STK32B: variants seen among roughly 807,000 people sequenced by gnomAD.
STK32B encodes the protein serine/threonine-protein kinase 32B.
A neutral mutation model predicts 52.6 loss-of-function variants in STK32B; 43 were observed. The observed-to-expected ratio is 0.82, with a 90% CI of 0.64 to 1.05. STK32B has a LOEUF of 1.05. STK32B is among the 50% of genes least tolerant of loss of function. The pLI is 0.00. For synonymous variants in STK32B, 238 were observed against 204.3 expected, an observed-to-expected ratio of 1.17 and a Z score of -1.41; for missense variants, 621 against 534.6, an observed-to-expected ratio of 1.16 and a Z score of -1.59.
chr4:5,399,661 C>A lies in STK32B; in HGVS notation c.472+1417C>A, dbSNP rs569635974. On this transcript the variant is annotated intron_variant, in intron 5 of 11. Transcript: ENST00000282908. The surrounding 1 kb of genome is among the most constrained non-coding windows in gnomAD (Gnocchi z 5.4). ...TCTTCAGATGTGGCACTCAGCTGAG[C>A]CCCCAGCCAGCTGAATGTCCTTGGG... Among the ~76,000 whole-genome samples the A allele has an allele frequency of 6.6e-6, 1 of 152,278 alleles. No homozygotes were observed. Among genetic ancestry groups the A allele is most frequent in the East Asian group, 1.9e-4 (1 of 5,174 alleles).
At chr4:5,110,272 CAAA>C (rs367760309) in intron 1 of STK32B, among the ~76,000 whole-genome samples, 24 of 106,710 alleles carry the variant, frequency 2.2e-4, no homozygotes, top group African/African-American at 4.1e-4. Context: ...CATATGGAAC[CAAA>C]AAAAAAAAAA....
chr4:5,297,634 TG>T (rs1181471086), intron 3 of STK32B, among the ~76,000 whole-genome samples: 41 of 136,978 alleles, frequency 3.0e-4, no homozygotes, highest in African/African-American at 1.2e-3. Context: ...TGGTCATTTA[TG>T]TTTTTTTTTT....
At chr4:5,207,170 C>T (rs1423254558) in intron 3 of STK32B, among the ~76,000 whole-genome samples, 2 of 152,178 alleles carry the variant, frequency 1.3e-5, no homozygotes, top group Non-Finnish European at 2.9e-5. Context: ...GACCCACGAG[C>T]CTGAACGAAT....
rs770309344 is a variant in STK32B at position 5,498,963 on chromosome 4, A to G, written c.1125A>G (p.Gly375=). 6.2e-6 allele frequency: 10 copies of G among 1,612,972 alleles called. No homozygotes were observed. The highest frequency in any genetic ancestry group is 8.5e-7 in the Non-Finnish European group (1 of 1,179,444). Residue 375 remains glycine, a synonymous_variant, in exon 12 of 12, where the codon GGA becomes GGG. Coordinates refer to ENST00000282908, the MANE Select transcript of STK32B (RefSeq NM_018401.3). The stretch of plus-strand genomic sequence containing the variant: ...TTTGCAGGCTCAGGAGGCAGCAGGG[A>G]CAGGGCAGCCAGCTCTTGGACACCG... ...FNREKLRRQQ[G]QGSQLLDTDS...
At chr4:5,288,569 A>G (rs569168168) in intron 3 of STK32B, among the ~76,000 whole-genome samples, 1 of 152,066 alleles carries the variant, frequency 6.6e-6, no homozygotes, top group Non-Finnish European at 1.5e-5. Context: ...TTGTTTGCCT[A>G]TTTTTTAAAT....
At chr4:5,246,157 C>G (rs903008915) in intron 3 of STK32B, among the ~76,000 whole-genome samples, 1 of 152,174 alleles carries the variant, frequency 6.6e-6, no homozygotes, top group African/African-American at 2.4e-5. Flanking sequence ...GGATAATATC[C>G]TGCAGAGTGT....
chr4:5,246,768 T>C (rs186278328), intron 3 of STK32B, among the ~76,000 whole-genome samples: 7 of 152,360 alleles, frequency 4.6e-5, no homozygotes, highest in Admixed American at 1.3e-4. Flanking sequence ...ATGTCCTTTC[T>C]GTTTTTTAGT....
intron 3 of STK32B, among the ~76,000 whole-genome samples, chr4:5,322,495 G>T (rs866667365): frequency 6.6e-6 from 1 of 152,300 alleles, no homozygotes; most frequent in South Asian, 2.1e-4. Flanking sequence ...CACAGGAGAT[G>T]AGTGTTGTAG....
Position 5,312,377 on chromosome 4 carries a change from G to T in STK32B, c.261-18843G>T, listed in dbSNP as rs374361394. 4.0e-5 allele frequency among the ~76,000 whole-genome samples: 6 copies of T among 151,600 alleles called. No individual in the cohort carries two copies. In the East Asian group the frequency reaches 5.8e-4, roughly 15 times the overall value. ...ATGTATACATGTGCCACGCTGGTGTGCTGCACCCATTAACTCGTCATTTAG... is the reference window on the plus strand; with the variant it reads ...ATGTATACATGTGCCACGCTGGTGTTCTGCACCCATTAACTCGTCATTTAG... On this transcript the variant is annotated intron_variant, in intron 3 of 11. Transcript: ENST00000282908.
chr4:5,157,848 A>G (rs1223496853), intron 2 of STK32B, among the ~76,000 whole-genome samples: 1 of 152,220 alleles, frequency 6.6e-6, no homozygotes, highest in Non-Finnish European at 1.5e-5. Flanking sequence ...TCTGAGCCTC[A>G]CGTTAGCTGC....
intron 1 of STK32B, among the ~76,000 whole-genome samples, chr4:5,125,004 G>T (rs940081485): frequency 2.6e-5 from 4 of 152,182 alleles, no homozygotes; most frequent in Admixed American, 6.5e-5. Context: ...AGGAAAGTAA[G>T]GTAGATTTGA....
At chr4:5,088,283 A>G (rs1712848749) in intron 1 of STK32B, among the ~76,000 whole-genome samples, 1 of 152,082 alleles carries the variant, frequency 6.6e-6, no homozygotes, top group Non-Finnish European at 1.5e-5. Context: ...TGTGGGATCT[A>G]AAAATCAAAA....
At chr4:5,452,848 C>G (rs149460861) in intron 7 of STK32B, among the ~76,000 whole-genome samples, 3 of 152,004 alleles carry the variant, frequency 2.0e-5, no homozygotes, top group African/African-American at 7.3e-5. Flanking sequence ...TATCCAATGT[C>G]CCACTGCTAA....
intron 6 of STK32B, among the ~76,000 whole-genome samples, chr4:5,436,238 C>T (rs781317431): frequency 6.6e-6 from 1 of 152,196 alleles, no homozygotes; most frequent in Non-Finnish European, 1.5e-5. Context: ...CTGAGTTGGG[C>T]CCCTGTGAAC....
At chr4:5,235,100 T>A (rs1724533938) in intron 3 of STK32B, among the ~76,000 whole-genome samples, 1 of 152,230 alleles carries the variant, frequency 6.6e-6, no homozygotes, top group African/African-American at 2.4e-5. Flanking sequence ...ATGTGTGGAT[T>A]TGGAGATGAG....
At chr4:5,255,197 G>A (rs756339790) in intron 3 of STK32B, among the ~76,000 whole-genome samples, 3 of 152,142 alleles carry the variant, frequency 2.0e-5, no homozygotes, top group Non-Finnish European at 2.9e-5. Context: ...TTCTCTGAGA[G>A]CATATAGCAA....
At chr4:5,249,295 A>G (rs1400720489) in intron 3 of STK32B, among the ~76,000 whole-genome samples, 2 of 152,194 alleles carry the variant, frequency 1.3e-5, no homozygotes, top group African/African-American at 4.8e-5. Flanking sequence ...AACGGGGTTC[A>G]GAGAAGTTAA....
At chr4:5,238,137 G>A (rs1397313534) in intron 3 of STK32B, among the ~76,000 whole-genome samples, 3 of 152,042 alleles carry the variant, frequency 2.0e-5, no homozygotes, top group Admixed American at 2.0e-4. Context: ...CCACAAACTG[G>A]GTGTCTTCAA....
chr4:5,070,172 T>C (rs924913889), intron 1 of STK32B, among the ~76,000 whole-genome samples: 1 of 152,222 alleles, frequency 6.6e-6, no homozygotes, highest in Non-Finnish European at 1.5e-5. Flanking sequence ...TGATGGACTC[T>C]GCCCTCAAAG....
Sources: gnomAD v4.1 joint callset for allele counts (sites outside exome capture counted in the v4.1 genomes callset) on GRCh38, gnomAD v4.1.1 for gene constraint, Gnocchi (gnomAD v3.1) non-coding constraint, MANE v1.5 for transcripts, NCBI Gene and HGNC (gene_info 2026-07-23, HGNC 2026-07-21) for gene names.